The following NR1H4 variants were observed in gnomAD, a reference collection of about 807,000 sequenced individuals.
NR1H4 encodes bile acid receptor.
In NR1H4, 23 loss-of-function variants were observed where a neutral mutation model predicts 58.5. That is an observed-to-expected ratio of 0.39 (90% CI 0.28 to 0.56). NR1H4 has a LOEUF of 0.56. Ranked by LOEUF, NR1H4 falls within the 20% of genes least tolerant of loss-of-function variation. The probability of loss-of-function intolerance (pLI) is 0.58; values close to 1 mark genes in which losing one functional copy is unlikely to be tolerated. For synonymous variants in NR1H4, 214 were observed against 198.0 expected, an observed-to-expected ratio of 1.08 and a Z score of -0.68; for missense variants, 487 against 576.9, an observed-to-expected ratio of 0.84 and a Z score of 1.60.
Position 100,549,745 on chromosome 12 carries a change from A to G in NR1H4, c.1078+8927A>G, listed in dbSNP as rs774703898. On this transcript the variant is annotated intron_variant, in intron 9 of 10. Transcript: ENST00000392986. ...TACTTTCTCCAAATATCAACCATAT[A>G]TTGTGACAATAAAAACCATCCAAAC... 9.2e-5 allele frequency among the ~76,000 whole-genome samples: 14 copies of G among 152,284 alleles called. No individual in the cohort carries two copies. The South Asian group carries it at 2.7e-3, about 29-fold the overall frequency.
chr12:100,557,369 A>G (rs556424863), intron 9 of NR1H4, among the ~76,000 whole-genome samples: 1 of 152,366 alleles, frequency 6.6e-6, no homozygotes, highest in East Asian at 1.9e-4. Flanking sequence ...TGGGGAGGGC[A>G]CCAAGCCATT....
At chr12:100,522,542 A>G (rs1246277447) in intron 4 of NR1H4, among the ~76,000 whole-genome samples, 2 of 151,974 alleles carry the variant, frequency 1.3e-5, no homozygotes, top group South Asian at 4.2e-4. Context: ...TCTTTTTAAA[A>G]AGTTTTTTTT....
chr12:100,540,970 A>G (rs993088478), intron 9 of NR1H4, 152 bp downstream of exon 9: 21 of 791,662 alleles, frequency 2.7e-5, no homozygotes, highest in Non-Finnish European at 4.2e-5. Context: ...TGTTAAATTG[A>G]TAAGACTTCT....
At chr12:100,549,208 TG>T (rs1325414455) in intron 9 of NR1H4, among the ~76,000 whole-genome samples, 3 of 152,092 alleles carry the variant, frequency 2.0e-5, no homozygotes, top group South Asian at 4.1e-4. Flanking sequence ...CATGGTGGCA[TG>T]TGCCGGTAGT....
chr12:100,511,136 G>T lies in NR1H4; in HGVS notation c.438G>T (p.Gly146=). ...GYHYNALTCE[G]CKGFFRRSIT... Reference sequence around the variant, plus strand: ...ACTATAATGCACTGACCTGTGAGGGGTGTAAAGGTAAGCATCTTTGATTGG... The same window carrying T: ...ACTATAATGCACTGACCTGTGAGGGTTGTAAAGGTAAGCATCTTTGATTGG... The change falls in exon 4 of 11, where the codon GGG becomes GGT. Residue 146 remains glycine (G), a synonymous_variant. Coordinates refer to ENST00000392986, the MANE Select transcript of NR1H4 (RefSeq NM_001206979.2). The T allele has an allele frequency of 6.2e-7, 1 of 1,614,254 alleles. No individual in the cohort carries two copies. The highest frequency in any genetic ancestry group is 8.5e-7 in the Non-Finnish European group (1 of 1,180,040).
In NR1H4 at chr12:100,510,954, T is replaced by C. The variant is rs1419286811; in HGVS notation, c.256T>C (p.Tyr86His). The change falls in exon 4 of 11, where the codon TAT becomes CAT. Residue 86 changes from tyrosine (Y) to histidine (H), a missense_variant. Transcript: ENST00000392986. Reference sequence around the variant, plus strand: ...TGAAGAGTGGTACTCTCCTGGAATATATGAACTCAGGCGTATGCCAGCTGA... The same window carrying C: ...TGAAGAGTGGTACTCTCCTGGAATACATGAACTCAGGCGTATGCCAGCTGA... The part of the protein sequence containing the change: ...QPEEWYSPGI[Y>H]ELRRMPAETL... 1.2e-6 allele frequency: 2 copies of C among 1,614,206 alleles called. No individual in the cohort carries two copies. The highest frequency in any genetic ancestry group is 3.3e-5 in the Admixed American group (2 of 60,026).
At chr12:100,538,375 G>A (rs1414211963) in intron 8 of NR1H4, among the ~76,000 whole-genome samples, 1 of 152,046 alleles carries the variant, frequency 6.6e-6, no homozygotes, top group Non-Finnish European at 1.5e-5. Flanking sequence ...ATAGCAGTGG[G>A]GAAGAGAAGA....
intron 9 of NR1H4, among the ~76,000 whole-genome samples, chr12:100,545,078 T>A (rs1284498247): frequency 6.6e-6 from 1 of 152,114 alleles, no homozygotes; most frequent in East Asian, 1.9e-4. Flanking sequence ...TGGTGGTTGT[T>A]CTATCTTTCT....
At chr12:100,498,650 C>A (rs1397373348) in intron 3 of NR1H4, among the ~76,000 whole-genome samples, 1 of 151,784 alleles carries the variant, frequency 6.6e-6, no homozygotes, top group Non-Finnish European at 1.5e-5. Flanking sequence ...GAAAAAAACA[C>A]CAAAAAACAA....
chr12:100,560,713 T>G (rs1282570572), intron 9 of NR1H4, among the ~76,000 whole-genome samples: 1 of 152,068 alleles, frequency 6.6e-6, no homozygotes, highest in Non-Finnish European at 1.5e-5. Flanking sequence ...AATACGTGGA[T>G]AGGGATAGAT....
intron 4 of NR1H4, among the ~76,000 whole-genome samples, chr12:100,512,995 AT>A (rs976760920): frequency 6.6e-5 from 10 of 152,070 alleles, no homozygotes; most frequent in African/African-American, 2.4e-4. Context: ...TATTGTTAGA[AT>A]TTTTTTTAAA....
At chr12:100,535,442 A>G (rs1954793142) in intron 6 of NR1H4, among the ~76,000 whole-genome samples, 1 of 152,242 alleles carries the variant, frequency 6.6e-6, no homozygotes, top group Admixed American at 6.5e-5. Flanking sequence ...TATGTGGATG[A>G]ATAGAGAAAA....
At chr12:100,515,984 G>A (rs778420540) in intron 4 of NR1H4, among the ~76,000 whole-genome samples, 2 of 152,168 alleles carry the variant, frequency 1.3e-5, no homozygotes, top group Non-Finnish European at 2.9e-5. Context: ...TCTGGGAAAG[G>A]GGCCCAAGAA....
rs1954783547 is a variant in NR1H4 at position 100,535,035 on chromosome 12, C to G, written c.732+12C>G. 1 of 1,613,948 alleles carries G rather than the reference C, an allele frequency of 6.2e-7. No homozygotes were observed. Among genetic ancestry groups the G allele is most frequent in the Admixed American group, 1.7e-5 (1 of 60,008 alleles). ...CAAAGTCATGCAGGGTAATAATATG[C>G]AATGGTGTCTGCCAAGACTGGCAGG... On this transcript the variant is annotated intron_variant, in intron 6 of 10. Transcript: ENST00000392986.
At chr12:100,554,278 G>C (rs1012995655) in intron 9 of NR1H4, among the ~76,000 whole-genome samples, 1 of 152,130 alleles carries the variant, frequency 6.6e-6, no homozygotes, top group African/African-American at 2.4e-5. Context: ...TAAGGAAATA[G>C]TATCATTTTT....
Position 100,510,935 on chromosome 12 carries a change from G to A in NR1H4, c.237G>A (p.Glu79=), listed in dbSNP as rs2136158068. Reference sequence around the variant, plus strand: ...GTTTCTACCCCCAGCAGCCTGAAGAGTGGTACTCTCCTGGAATATATGAAC... The same window carrying A: ...GTTTCTACCCCCAGCAGCCTGAAGAATGGTACTCTCCTGGAATATATGAAC... ...NLGFYPQQPE[E]WYSPGIYELR... Residue 79 remains glutamate, a synonymous_variant, in exon 4 of 11, where the codon GAG becomes GAA. Transcript: ENST00000392986. 1.2e-6 allele frequency: 2 copies of A among 1,614,212 alleles called. No homozygotes were observed. The highest frequency in any genetic ancestry group is 1.7e-6 in the Non-Finnish European group (2 of 1,180,036).
rs562112003 is a variant in NR1H4 at position 100,544,420 on chromosome 12, A to C, written c.1078+3602A>C. 1.2e-4 allele frequency among the ~76,000 whole-genome samples: 18 copies of C among 152,228 alleles called. No homozygotes were observed. In the South Asian group the frequency reaches 3.5e-3, roughly 30 times the overall value. ...CATCAAGAGACAGTGGTGATTAAGG[A>C]TACTGACTGTGGAATCTGGATTGAA... On this transcript the variant is annotated intron_variant, in intron 9 of 10. Coordinates refer to ENST00000392986, the MANE Select transcript of NR1H4 (RefSeq NM_001206979.2).
chr12:100,477,443 G>A (rs188635283), intron 1 of NR1H4, among the ~76,000 whole-genome samples: 292 of 152,090 alleles, frequency 1.9e-3, no homozygotes, highest in African/African-American at 6.7e-3. Context: ...AAGAGATTTA[G>A]ATGACCTTTC....
At chr12:100,506,845 T>C (rs547340590) in intron 3 of NR1H4, among the ~76,000 whole-genome samples, 16 of 152,204 alleles carry the variant, frequency 1.1e-4, no homozygotes, top group Admixed American at 3.3e-4. Flanking sequence ...TGTGTACGGT[T>C]CTCATATTTT....
Sources: allele counts gnomAD v4.1 joint callset (sites outside exome capture counted in the v4.1 genomes callset), GRCh38; gene constraint gnomAD v4.1.1; transcripts MANE v1.5; gene names NCBI Gene and HGNC (gene_info 2026-07-23, HGNC 2026-07-21).